Variants in CSMD1 observed in about 807,000 individuals in gnomAD.
The protein encoded by CSMD1 is CUB and sushi domain-containing protein 1.
Under a neutral mutation model 417.5 loss-of-function variants are expected in CSMD1, and 213 were observed. The observed-to-expected ratio is 0.51, with a 90% CI of 0.46 to 0.57. The LOEUF is 0.57. Among genes scored for constraint, CSMD1 ranks in the 20% least tolerant of loss-of-function variants. The probability of loss-of-function intolerance (pLI) is 0.00; values close to 1 mark genes in which losing one functional copy is unlikely to be tolerated. For missense variants in CSMD1, 6,923 were observed against 4,529.7 expected, an observed-to-expected ratio of 1.53 and a Z score of -15.17; for synonymous variants, 2,862 against 1,736.8, an observed-to-expected ratio of 1.65 and a Z score of -16.11.
Position 4,682,338 on chromosome 8 carries a change from T to C in CSMD1, c.86-44780A>G, listed in dbSNP as rs557240886. On this transcript the variant is annotated intron_variant, in intron 1 of 69. Transcript: ENST00000635120. ...AAGCCACTGTGCTTAGACTGAAAAATGCTTTTTTTGATTAGTCAGAATGCT... is the reference window on the plus strand; with the variant it reads ...AAGCCACTGTGCTTAGACTGAAAAACGCTTTTTTTGATTAGTCAGAATGCT... 5.9e-5 allele frequency among the ~76,000 whole-genome samples: 9 copies of C among 152,260 alleles called. No individual in the cohort carries two copies. In the South Asian group the frequency reaches 1.9e-3, roughly 32 times the overall value.
At chr8:3,743,187 T>A (rs1234332263) in intron 6 of CSMD1, among the ~76,000 whole-genome samples, 1 of 152,234 alleles carries the variant, frequency 6.6e-6, no homozygotes, top group Non-Finnish European at 1.5e-5. Context: ...GCTACACGAC[T>A]CTTTTCATGA....
At chr8:4,353,996 C>T (rs964382266) in intron 3 of CSMD1, among the ~76,000 whole-genome samples, 7 of 152,166 alleles carry the variant, frequency 4.6e-5, no homozygotes, top group Non-Finnish European at 7.3e-5. Context: ...CTAACACCTG[C>T]GTGGTTGTTC....
intron 3 of CSMD1, among the ~76,000 whole-genome samples, chr8:4,416,134 G>A (rs1028276021): frequency 1.3e-5 from 2 of 152,116 alleles, no homozygotes; most frequent in African/African-American, 4.8e-5. Context: ...CTTACACTAT[G>A]GAGAAAAGTT....
chr8:4,218,683 A>G (rs933272928), intron 3 of CSMD1, among the ~76,000 whole-genome samples: 2 of 152,182 alleles, frequency 1.3e-5, no homozygotes, highest in Non-Finnish European at 2.9e-5. Flanking sequence ...TAAAGCTTGG[A>G]TACATCTCTT....
chr8:3,831,168 T>C (rs1342746352), intron 5 of CSMD1, among the ~76,000 whole-genome samples: 1 of 152,178 alleles, frequency 6.6e-6, no homozygotes. Flanking sequence ...CCAATTTATC[T>C]AGAGACTCTA....
intron 27 of CSMD1, among the ~76,000 whole-genome samples, chr8:3,227,569 G>A (rs1293571070): frequency 3.3e-5 from 5 of 152,122 alleles, no homozygotes; most frequent in Non-Finnish European, 5.9e-5. Context: ...TAAGGGACTA[G>A]AAAGATCAAT....
chr8:3,938,174 T>C (rs746110953), intron 5 of CSMD1, among the ~76,000 whole-genome samples: 43 of 152,150 alleles, frequency 2.8e-4, no homozygotes, highest in Admixed American at 4.6e-4. Flanking sequence ...CAATAAAAGT[T>C]GGGCATTGAC....
At position 4,315,556 on chromosome 8, in the gene CSMD1, G is replaced by C. The variant is rs189240253; in HGVS notation, c.415+104397C>G. Among the ~76,000 whole-genome samples, 9 of 152,302 alleles carry C rather than the reference G, an allele frequency of 5.9e-5. No homozygotes were observed. The East Asian group carries it at 1.2e-3, about 20-fold the overall frequency. ...AGAAATTAACTAAAAATCACACAGTGCTTAAGGAGAACCAATCTTCCATCC... is the reference window on the plus strand; with the variant it reads ...AGAAATTAACTAAAAATCACACAGTCCTTAAGGAGAACCAATCTTCCATCC... On this transcript the variant is annotated intron_variant, in intron 3 of 69. Coordinates refer to ENST00000635120, the MANE Select transcript of CSMD1 (RefSeq NM_033225.6).
At chr8:3,930,925 A>G (rs1810094161) in intron 5 of CSMD1, among the ~76,000 whole-genome samples, 1 of 150,594 alleles carries the variant, frequency 6.6e-6, no homozygotes, top group African/African-American at 2.4e-5. Flanking sequence ...CAATGGTTCA[A>G]TTGTTGCTAG....
intron 1 of CSMD1, among the ~76,000 whole-genome samples, chr8:4,902,826 C>A (rs1307640078): frequency 6.6e-6 from 1 of 151,898 alleles, no homozygotes. Context: ...ACAAAATATA[C>A]ATACATACAC....
intron 25 of CSMD1, among the ~76,000 whole-genome samples, chr8:3,295,932 T>C (rs1584948491): frequency 1.3e-5 from 2 of 152,116 alleles, no homozygotes; most frequent in Non-Finnish European, 2.9e-5. Context: ...CGAGGAACTT[T>C]GCATACATCT....
At chr8:3,621,977 TTGTGTGTGTGTGTA>T (rs967539019) in intron 7 of CSMD1, among the ~76,000 whole-genome samples, 43 of 124,732 alleles carry the variant, frequency 3.4e-4, no homozygotes, top group Non-Finnish European at 5.6e-4. Context: ...CTCTCTCTCT[TTGTGTGTGTGTGTA>T]TGTGTGTGTG....
At chr8:4,630,502 A>C (rs1037529370) in intron 2 of CSMD1, among the ~76,000 whole-genome samples, 16 of 152,152 alleles carry the variant, frequency 1.1e-4, no homozygotes, top group African/African-American at 3.9e-4. Context: ...CAAAAACAAA[A>C]ATACTCAAAC....
chr8:4,723,787 T>TAAA (rs57096241), intron 1 of CSMD1, among the ~76,000 whole-genome samples: 23,604 of 131,020 alleles, frequency 0.18, 2,277 homozygotes, highest in Middle Eastern at 0.26. Flanking sequence ...CTTTCGAATG[T>TAAA]AAAAAAAAAA....
chr8:3,855,701 A>T (rs771674511), intron 5 of CSMD1, among the ~76,000 whole-genome samples: 1 of 152,158 alleles, frequency 6.6e-6, no homozygotes, highest in African/African-American at 2.4e-5. Flanking sequence ...TAACAGCGTA[A>T]CCATTTTCTT....
chr8:4,734,076 A>AT (rs1810068767), intron 1 of CSMD1, among the ~76,000 whole-genome samples: 1 of 152,140 alleles, frequency 6.6e-6, no homozygotes, highest in Non-Finnish European at 1.5e-5. Flanking sequence ...GTGACAAGTT[A>AT]TTTTTTATTG....
chr8:2,970,916 A>C (rs1361090829), intron 57 of CSMD1, among the ~76,000 whole-genome samples: 1 of 152,212 alleles, frequency 6.6e-6, no homozygotes, highest in African/African-American at 2.4e-5. Context: ...CTTCACAAAA[A>C]GATTATAAGC....
At chr8:3,696,808 T>A (rs1447065179) in intron 7 of CSMD1, among the ~76,000 whole-genome samples, 1 of 152,226 alleles carries the variant, frequency 6.6e-6, no homozygotes, top group East Asian at 1.9e-4. Context: ...TCTTCTACTC[T>A]TTATCATTTG....
At chr8:4,350,107 G>A (rs1041262178) in intron 3 of CSMD1, among the ~76,000 whole-genome samples, 1 of 152,190 alleles carries the variant, frequency 6.6e-6, no homozygotes, top group Non-Finnish European at 1.5e-5. Context: ...ACCACTGGCT[G>A]CTACGTCAGA....
Sources: allele counts gnomAD v4.1 joint callset (sites outside exome capture counted in the v4.1 genomes callset), GRCh38; gene constraint gnomAD v4.1.1; transcripts MANE v1.5; gene names NCBI Gene and HGNC (gene_info 2026-07-23, HGNC 2026-07-21).